VTI1A: variants seen among roughly 807,000 people sequenced by gnomAD.
The protein encoded by VTI1A is vesicle transport through interaction with t-SNAREs 1A.
In VTI1A, 22 loss-of-function variants were observed where a neutral mutation model predicts 34.9. That is an observed-to-expected ratio of 0.63 (90% CI 0.45 to 0.90). VTI1A has a LOEUF of 0.90. VTI1A is among the 40% of genes least tolerant of loss of function. The pLI, the probability that VTI1A is intolerant of heterozygous loss-of-function variation, is 0.00. For synonymous variants in VTI1A, 87 were observed against 97.3 expected (o/e 0.89, Z 0.62); for missense variants, 268 against 275.6 (o/e 0.97, Z 0.20).
chr10:112,658,974 A>C (rs1387221225), intron 5 of VTI1A, among the ~76,000 whole-genome samples: 3 of 152,234 alleles, frequency 2.0e-5, no homozygotes, highest in Non-Finnish European at 4.4e-5. Context: ...GACTTCTCAA[A>C]CATGTAATTA....
chr10:112,781,947 G>A (rs969915198), intron 7 of VTI1A, among the ~76,000 whole-genome samples: 1 of 152,104 alleles, frequency 6.6e-6, no homozygotes, highest in Non-Finnish European at 1.5e-5. Flanking sequence ...TCTGCTACAG[G>A]TATTACCCCC....
chr10:112,850,527 G>A, the VTI1A span, among the ~76,000 whole-genome samples: 1 of 152,124 alleles, frequency 6.6e-6, no homozygotes, highest in Non-Finnish European at 1.5e-5. Flanking sequence ...GAAGACTACT[G>A]TGGAGGTCAC....
intron 7 of VTI1A, among the ~76,000 whole-genome samples, chr10:112,705,059 C>CTAAGTTTT (rs1161259979): frequency 2.8e-5 from 4 of 145,328 alleles, no homozygotes; most frequent in Admixed American, 2.7e-4. Context: ...CCATGCCCGG[C>CTAAGTTTT]TAAGTTTTTA....
the VTI1A span, among the ~76,000 whole-genome samples, chr10:112,853,594 C>T: frequency 6.6e-6 from 1 of 152,294 alleles, no homozygotes; most frequent in African/African-American, 2.4e-5. Context: ...TGGCAAACAT[C>T]GATGGTCAAG....
chr10:112,703,526 A>G (rs1248552097), intron 7 of VTI1A, among the ~76,000 whole-genome samples: 2 of 152,278 alleles, frequency 1.3e-5, no homozygotes, highest in Middle Eastern at 3.4e-3. Flanking sequence ...AGATCATGCC[A>G]TTGCACTCCA....
At chr10:112,464,103 A>G (rs1459013459) in intron 2 of VTI1A, among the ~76,000 whole-genome samples, 1 of 152,148 alleles carries the variant, frequency 6.6e-6, no homozygotes, top group African/African-American at 2.4e-5. Flanking sequence ...GGTTCAAGCT[A>G]TTCTCCTGCC....
intron 3 of VTI1A, among the ~76,000 whole-genome samples, chr10:112,491,313 C>T (rs1214966556): frequency 6.6e-6 from 1 of 152,216 alleles, no homozygotes; most frequent in Admixed American, 6.5e-5. Flanking sequence ...CAGCAGGAGT[C>T]AGGGGACCTG....
chr10:112,465,145 G>T (rs1240159259), intron 3 of VTI1A, among the ~76,000 whole-genome samples: 4 of 152,074 alleles, frequency 2.6e-5, no homozygotes, highest in Non-Finnish European at 5.9e-5. Flanking sequence ...AAAGATAAAA[G>T]AAACCACTTT....
At chr10:112,808,311 A>G (rs746358083) in intron 7 of VTI1A, among the ~76,000 whole-genome samples, 18 of 151,892 alleles carry the variant, frequency 1.2e-4, no homozygotes, top group Non-Finnish European at 2.4e-4. Flanking sequence ...GACACTGTTC[A>G]ATCCAGTACA....
the VTI1A span, among the ~76,000 whole-genome samples, chr10:112,839,333 C>G: frequency 1.3e-5 from 2 of 152,114 alleles, no homozygotes; most frequent in African/African-American, 4.8e-5. Flanking sequence ...GGGGTCCCGG[C>G]CTGCAGGGGC....
the VTI1A span, among the ~76,000 whole-genome samples, chr10:112,828,195 T>TG: frequency 5.6e-4 from 85 of 152,138 alleles, no homozygotes; most frequent in African/African-American, 1.7e-3. Context: ...AAATATTGCT[T>TG]GGGGGGTTGT....
At position 112,636,603 on chromosome 10, in the gene VTI1A, C is replaced by T. The variant is rs1312534411; in HGVS notation, c.428-31615C>T. Reference sequence around the variant, plus strand: ...AATTAGCTGGATGTGGTGGTGCGCACCTGTAGTCCCAGCTACTTGGGAGAC... The same window carrying T: ...AATTAGCTGGATGTGGTGGTGCGCATCTGTAGTCCCAGCTACTTGGGAGAC... On this transcript the variant is annotated intron_variant, in intron 5 of 7. Coordinates refer to ENST00000393077, the MANE Select transcript of VTI1A (RefSeq NM_145206.4). Among the ~76,000 whole-genome samples, 4 of 151,960 alleles carry T rather than the reference C, an allele frequency of 2.6e-5. No homozygotes were observed. The East Asian group carries it at 5.8e-4, about 22-fold the overall frequency.
At chr10:112,788,980 C>T (rs1479848079) in intron 7 of VTI1A, among the ~76,000 whole-genome samples, 1 of 151,850 alleles carries the variant, frequency 6.6e-6, no homozygotes, top group Non-Finnish European at 1.5e-5. Context: ...ATAGATATGA[C>T]TATGATTATC....
At position 112,505,742 on chromosome 10, in the gene VTI1A, C is replaced by T. The variant is rs11195976; in HGVS notation, c.265-21345C>T. 3.6e-3 allele frequency among the ~76,000 whole-genome samples: 544 copies of T among 151,704 alleles called. 1 individual carries two copies. Among genetic ancestry groups the T allele is most frequent in the African/African-American group, 0.012 (499 of 41,336 alleles). ...AGGCTGGAATGCAGTGGTGTAACCA[C>T]GGCTCACTCTAGTCTTAACCTCCCA... On this transcript the variant is annotated intron_variant, in intron 3 of 7. Transcript: ENST00000393077.
chr10:112,501,459 A>G (rs562443828), intron 3 of VTI1A, among the ~76,000 whole-genome samples: 1 of 152,190 alleles, frequency 6.6e-6, no homozygotes, highest in African/African-American at 2.4e-5. Context: ...TTCTTAAAAG[A>G]TATTTACAAA....
intron 5 of VTI1A, among the ~76,000 whole-genome samples, chr10:112,546,727 A>G (rs1288978993): frequency 6.6e-6 from 1 of 151,970 alleles, no homozygotes; most frequent in East Asian, 1.9e-4. Flanking sequence ...ATCTTGTTTC[A>G]TTAGGGAAAT....
chr10:112,625,359 C>T (rs781251506), intron 5 of VTI1A, among the ~76,000 whole-genome samples: 7 of 152,134 alleles, frequency 4.6e-5, no homozygotes, highest in Non-Finnish European at 8.8e-5. Context: ...AAAACCAGGC[C>T]GGGCGCGGCG....
intron 7 of VTI1A, among the ~76,000 whole-genome samples, chr10:112,793,304 C>T (rs1377866112): frequency 2.0e-5 from 3 of 152,172 alleles, no homozygotes; most frequent in Admixed American, 6.6e-5. Flanking sequence ...GGCAAAGTGT[C>T]GATGTTATGG....
intron 3 of VTI1A, among the ~76,000 whole-genome samples, chr10:112,469,548 C>T (rs538298531): frequency 3.2e-4 from 49 of 152,166 alleles, no homozygotes; most frequent in Non-Finnish European, 6.2e-4. Flanking sequence ...CAGATTGGTC[C>T]TTTCAGAGTT....
Sources: gnomAD v4.1 joint callset for allele counts (sites outside exome capture counted in the v4.1 genomes callset) on GRCh38, gnomAD v4.1.1 for gene constraint, MANE v1.5 for transcripts, NCBI Gene and HGNC (gene_info 2026-07-23, HGNC 2026-07-21) for gene names.